GPALPP1: variants seen among roughly 807,000 people sequenced by gnomAD.
The protein encoded by GPALPP1 is GPALPP motifs containing 1, also known as GPALPP motifs-containing protein 1.
In GPALPP1, 30 loss-of-function variants were observed where a neutral mutation model predicts 38.9. The observed-to-expected ratio is 0.77, with a 90% CI of 0.58 to 1.05. GPALPP1 has a LOEUF of 1.05. Among genes scored for constraint, GPALPP1 ranks in the 50% least tolerant of loss-of-function variants. The pLI is 0.00. For synonymous variants in GPALPP1, 120 were observed against 139.2 expected (o/e 0.86, Z 0.97); for missense variants, 384 against 408.8 (o/e 0.94, Z 0.52).
intron 4 of GPALPP1, among the ~76,000 whole-genome samples, chr13:45,011,941 T>C (rs924694484): frequency 2.0e-5 from 3 of 151,546 alleles, no homozygotes; most frequent in Non-Finnish European, 4.4e-5. Context: ...CACAAAGGAG[T>C]GCTAGGGGAA....
Position 45,015,028 on chromosome 13 carries a change from C to CA in GPALPP1, c.486dup (p.Glu163ArgfsTer3), listed in dbSNP as rs866672228. On this transcript the variant is annotated frameshift_variant, in exon 5 of 8. Transcript: ENST00000379151. LOFTEE classifies it high-confidence loss of function. ...GGACCAGTTAACTATAATGTAACGA[C>CA]AGAGTTTGAAAAAAGGGCCCAGAGA... The CA allele has an allele frequency of 6.2e-7, 1 of 1,606,100 alleles. No individual in the cohort carries two copies. The highest frequency in any genetic ancestry group is 8.5e-7 in the Non-Finnish European group (1 of 1,174,562).
chr13:45,018,687 C>T (rs890666239), intron 6 of GPALPP1, among the ~76,000 whole-genome samples: 9 of 151,658 alleles, frequency 5.9e-5, no homozygotes, highest in Non-Finnish European at 1.2e-4. Context: ...CAAATAAAAA[C>T]AATATAAGAA....
At chr13:45,011,658 C>T (rs890134754) in intron 4 of GPALPP1, among the ~76,000 whole-genome samples, 36 of 152,108 alleles carry the variant, frequency 2.4e-4, no homozygotes, top group Non-Finnish European at 4.1e-4. Context: ...CCCTCCGACA[C>T]GTGGGGATTA....
intron 7 of GPALPP1, among the ~76,000 whole-genome samples, chr13:45,020,902 A>G (rs903959749): frequency 6.6e-6 from 1 of 152,180 alleles, no homozygotes; most frequent in African/African-American, 2.4e-5. Flanking sequence ...ATTATTAGAG[A>G]TAGGTAGCAC....
chr13:45,015,083 T>C lies in GPALPP1; in HGVS notation c.540T>C (p.Asp180=). 6 of 1,584,300 alleles carry C rather than the reference T, an allele frequency of 3.8e-6. No homozygotes were observed. Among genetic ancestry groups the C allele is most frequent in the Non-Finnish European group, 5.2e-6 (6 of 1,161,056 alleles). ...AAGAAAAACTGACCAAAGGAGATGA[T>C]GTAAGTTTTAAAAACACTTTAAGAA... ...RMKEKLTKGD[D]DSSKPIVRES... The change falls in exon 5 of 8, where the codon GAT becomes GAC. Residue 180 remains aspartate (D), a splice_region_variant and synonymous_variant. Coordinates refer to ENST00000379151, the MANE Select transcript of GPALPP1 (RefSeq NM_018559.5).
chr13:45,011,613 GA>G (rs914378776), intron 4 of GPALPP1, among the ~76,000 whole-genome samples: 4 of 152,104 alleles, frequency 2.6e-5, no homozygotes, highest in Admixed American at 2.0e-4. Flanking sequence ...CAGGATGGGG[GA>G]AACCACCCCA....
At chr13:45,035,916 G>C (rs1593415317) in exon 8 of GPALPP1, 3 of 152,298 alleles carry the variant, frequency 2.0e-5, no homozygotes, top group Admixed American at 2.0e-4. Context: ...TGTAATCTCA[G>C]CACTTTGGAG....
intron 7 of GPALPP1, among the ~76,000 whole-genome samples, chr13:45,025,255 T>C (rs1228740228): frequency 1.3e-5 from 2 of 152,242 alleles, no homozygotes; most frequent in Non-Finnish European, 2.9e-5. Flanking sequence ...CATTTTGTTA[T>C]AGCGATGTCA....
intron 7 of GPALPP1, among the ~76,000 whole-genome samples, chr13:45,025,306 A>T (rs188002264): frequency 6.6e-6 from 1 of 152,316 alleles, no homozygotes; most frequent in East Asian, 1.9e-4. Context: ...CTTAAACCTC[A>T]TATTGATCTG....
chr13:45,018,395 TAA>T (rs202066209), intron 6 of GPALPP1, among the ~76,000 whole-genome samples: 32 of 128,158 alleles, frequency 2.5e-4, no homozygotes, highest in Admixed American at 4.8e-4. Flanking sequence ...AGACTCTGTC[TAA>T]AAAAAAAAAA....
At chr13:45,006,089 T>C (rs895164297) in intron 2 of GPALPP1, 113 bp from the exon 3 acceptor site, 29 of 599,494 alleles carry the variant, frequency 4.8e-5, no homozygotes, top group Non-Finnish European at 7.4e-5. Flanking sequence ...GATTAATTTA[T>C]TGTTGCAGTG....
rs1875972197 is a variant in GPALPP1 at position 45,028,066 on chromosome 13, A to G, written c.*63A>G. 6.6e-6 allele frequency: 5 copies of G among 757,324 alleles called. No individual in the cohort carries two copies. The highest frequency in any genetic ancestry group is 3.8e-5 in the South Asian group (2 of 52,888). The allele number at this position is 757,324 out of a possible 1,614,324, so 46.9% of individuals were successfully genotyped here. ...CAATGTGAACTTTTCTAAATACTCT[A>G]TTGTCTTTAATAATTGTGCTGAAAT... is the stretch of plus-strand genomic sequence containing the variant. On this transcript the variant is annotated 3_prime_UTR_variant, in exon 8 of 8. Coordinates refer to ENST00000379151, the MANE Select transcript of GPALPP1 (RefSeq NM_018559.5).
chr13:45,020,516 A>C, intron 7 of GPALPP1, 88 bp downstream of exon 7: 1 of 687,548 alleles, frequency 1.5e-6, no homozygotes, highest in Non-Finnish European at 2.6e-6. Context: ...CAGGAGGATC[A>C]CTTGAGACGA....
chr13:45,010,146 G>A (rs768380450), intron 4 of GPALPP1, among the ~76,000 whole-genome samples: 2 of 152,128 alleles, frequency 1.3e-5, no homozygotes, highest in African/African-American at 2.4e-5. Flanking sequence ...TTGCTTTGAT[G>A]TGACCACACT....
intron 2 of GPALPP1, among the ~76,000 whole-genome samples, 168 bp from the exon 3 acceptor site, chr13:45,006,032 TAA>T (rs67132896): frequency 0.018 from 2,723 of 147,652 alleles, 32 homozygotes; most frequent in Non-Finnish European, 0.028. Context: ...TCTCAAAAAA[TAA>T]AAAAAAAAAA....
chr13:44,994,229 A>AAG (rs1315172048), intron 1 of GPALPP1, among the ~76,000 whole-genome samples: 1 of 151,346 alleles, frequency 6.6e-6, no homozygotes, highest in East Asian at 1.9e-4. Context: ...AAAAAAAAAA[A>AAG]AAAAAAAAAG....
intron 4 of GPALPP1, among the ~76,000 whole-genome samples, chr13:45,010,993 AAG>A (rs1442230737): frequency 5.3e-5 from 8 of 152,148 alleles, no homozygotes; most frequent in African/African-American, 1.9e-4. Context: ...AAAAAGAAAA[AAG>A]AAAAAAAAAG....
In GPALPP1 at chr13:45,030,002, GACAACTTT is replaced by G. The variant is rs1876112790; in HGVS notation, c.*2002_*2009del. The G allele has an allele frequency of 6.7e-6, 1 of 149,508 alleles. No homozygotes were observed. Among genetic ancestry groups the G allele is most frequent in the Admixed American group, 6.7e-5 (1 of 14,934 alleles). The allele number at this position is 149,508 out of a possible 1,614,324, so 9.3% of individuals were successfully genotyped here. A position where few individuals can be genotyped will look rare whatever the true frequency, so the allele number is the denominator to read the frequency against. ...TCTGAGTCCTGGAACTTTGCTTTGGGACAACTTTACTTTACCCATTTATATGCTGTACT... is the reference window on the plus strand; with the variant it reads ...TCTGAGTCCTGGAACTTTGCTTTGGGACTTTACCCATTTATATGCTGTACT... On this transcript the variant is annotated 3_prime_UTR_variant, in exon 8 of 8. Coordinates refer to ENST00000379151, the MANE Select transcript of GPALPP1 (RefSeq NM_018559.5).
chr13:44,996,811 C>CTTTTTTTTTTTTT (rs1566072239), intron 1 of GPALPP1, among the ~76,000 whole-genome samples: 2 of 21,542 alleles, frequency 9.3e-5, no homozygotes, highest in African/African-American at 1.6e-4. Context: ...TTTTTTTTTC[C>CTTTTTTTTTTTTT]AGTTTTTAAA....
Sources: gnomAD v4.1 joint callset for allele counts (sites outside exome capture counted in the v4.1 genomes callset) on GRCh38, gnomAD v4.1.1 for gene constraint, MANE v1.5 for transcripts, NCBI Gene and HGNC (gene_info 2026-07-23, HGNC 2026-07-21) for gene names.